The following SOX5 variants were observed in gnomAD, a reference collection of about 807,000 sequenced individuals.
SOX5 encodes the protein transcription factor SOX-5.
SOX5 carries 9 observed loss-of-function variants against 92.0 expected under a neutral mutation model. The observed-to-expected ratio is 0.10, with a 90% CI of 0.06 to 0.17. The LOEUF (loss-of-function observed/expected upper bound fraction) is 0.17, where lower values mean the gene tolerates loss of function less well. Ranked by LOEUF, SOX5 falls within the 10% of genes least tolerant of loss-of-function variation. The pLI is 1.00. For synonymous variants in SOX5, 344 were observed against 336.3 expected, an observed-to-expected ratio of 1.02 and a Z score of -0.25; for missense variants, 642 against 944.5, an observed-to-expected ratio of 0.68 and a Z score of 4.20.
intron 8 of SOX5, among the ~76,000 whole-genome samples, chr12:23,617,030 C>T (rs917397071): frequency 1.3e-5 from 2 of 150,230 alleles, no homozygotes; most frequent in East Asian, 3.9e-4. Flanking sequence ...GATGCTGAGA[C>T]AGGGGGATTG....
At chr12:23,935,806 G>T (rs1490253632) in intron 1 of SOX5, among the ~76,000 whole-genome samples, 1 of 151,046 alleles carries the variant, frequency 6.6e-6, no homozygotes, top group Non-Finnish European at 1.5e-5. Flanking sequence ...AATTTAAAAT[G>T]TAGTTGTTGA....
chr12:24,046,340 C>G (rs1957022871), intron 4 of SOX5, among the ~76,000 whole-genome samples: 1 of 152,032 alleles, frequency 6.6e-6, no homozygotes, highest in East Asian at 1.9e-4. Context: ...GAAAGGAGAG[C>G]CTTTTTTTTC....
At chr12:23,796,110 T>C (rs1488845081) in intron 3 of SOX5, among the ~76,000 whole-genome samples, 1 of 152,158 alleles carries the variant, frequency 6.6e-6, no homozygotes, top group African/African-American at 2.4e-5. Context: ...AACTCAGTTA[T>C]GATGAACACT....
chr12:23,600,522 C>CATATATATAT (rs371480644), intron 9 of SOX5, among the ~76,000 whole-genome samples: 1,693 of 39,398 alleles, frequency 0.043, 221 homozygotes, highest in Non-Finnish European at 0.056. Context: ...GGGGGGGGTG[C>CATATATATAT]ATATATATAT....
chr12:24,321,467 G>A (rs971914132), intron 2 of SOX5, among the ~76,000 whole-genome samples: 6 of 152,120 alleles, frequency 3.9e-5, no homozygotes, highest in Non-Finnish European at 7.4e-5. Flanking sequence ...TTGTTCACAT[G>A]TAAGTGTTTA....
At chr12:24,005,393 A>G (rs887494553) in intron 4 of SOX5, among the ~76,000 whole-genome samples, 4 of 152,154 alleles carry the variant, frequency 2.6e-5, no homozygotes, top group East Asian at 1.9e-4. Flanking sequence ...TATCAAATTC[A>G]TGGTAAAAAT....
At chr12:24,281,994 A>T (rs922324793) in intron 2 of SOX5, among the ~76,000 whole-genome samples, 36 of 152,280 alleles carry the variant, frequency 2.4e-4, no homozygotes, top group African/African-American at 7.9e-4. Context: ...CAAATTTCTG[A>T]TGGTCAATTT....
intron 8 of SOX5, among the ~76,000 whole-genome samples, chr12:23,632,907 T>C (rs184852821): frequency 6.6e-6 from 1 of 152,290 alleles, no homozygotes; most frequent in East Asian, 1.9e-4. Context: ...ACTTGGAATT[T>C]TGAGCCTTTA....
At chr12:24,552,967 G>C (rs1039313952) in intron 1 of SOX5, among the ~76,000 whole-genome samples, 1 of 152,228 alleles carries the variant, frequency 6.6e-6, no homozygotes, top group Non-Finnish European at 1.5e-5. Flanking sequence ...GGGCAGTTGA[G>C]GCTGCAGTGA....
chr12:23,944,090 C>T (rs1441934331), intron 1 of SOX5: 1 of 151,970 alleles, frequency 6.6e-6, no homozygotes, highest in Non-Finnish European at 1.5e-5. Flanking sequence ...ATTGTTTATG[C>T]TAATTATCTT....
At chr12:24,488,171 C>T (rs1166778664) in intron 1 of SOX5, among the ~76,000 whole-genome samples, 2 of 144,550 alleles carry the variant, frequency 1.4e-5, no homozygotes, top group African/African-American at 5.2e-5. Context: ...AAAATGTTTG[C>T]TTTTACTTAA....
chr12:24,180,757 G>A (rs1381078333), intron 4 of SOX5, among the ~76,000 whole-genome samples: 2 of 152,140 alleles, frequency 1.3e-5, no homozygotes, highest in African/African-American at 2.4e-5. Context: ...AAAATTATCT[G>A]ACTGTACATT....
At chr12:23,570,009 C>G (rs111334412) in intron 10 of SOX5, among the ~76,000 whole-genome samples, 119 of 152,196 alleles carry the variant, frequency 7.8e-4, no homozygotes, top group African/African-American at 2.5e-3. Flanking sequence ...TTGATAATTC[C>G]AAATCTATTG....
chr12:24,151,663 T>G (rs1407026978), intron 4 of SOX5, among the ~76,000 whole-genome samples: 1 of 152,078 alleles, frequency 6.6e-6, no homozygotes, highest in Non-Finnish European at 1.5e-5. Context: ...GAAAGGCAAC[T>G]CCTTTTTCCT....
At chr12:24,421,628 T>C (rs908326463) in intron 1 of SOX5, among the ~76,000 whole-genome samples, 3 of 152,204 alleles carry the variant, frequency 2.0e-5, no homozygotes, top group Admixed American at 1.3e-4. Context: ...TGGTAAAAGA[T>C]TCCTCTGCTC....
At chr12:23,750,510 G>A (rs969032379) in intron 4 of SOX5, among the ~76,000 whole-genome samples, 1 of 151,818 alleles carries the variant, frequency 6.6e-6, no homozygotes, top group Non-Finnish European at 1.5e-5. Context: ...AAGGTTTTAG[G>A]TTAATTGCAT....
intron 4 of SOX5, among the ~76,000 whole-genome samples, chr12:24,154,422 A>G (rs1040820122): frequency 1.3e-5 from 2 of 152,184 alleles, no homozygotes; most frequent in Non-Finnish European, 2.9e-5. Context: ...TCAGTAAACA[A>G]CAAAGAACTG....
At chr12:24,367,230 T>C (rs1956266710) in intron 2 of SOX5, among the ~76,000 whole-genome samples, 1 of 152,134 alleles carries the variant, frequency 6.6e-6, no homozygotes, top group Non-Finnish European at 1.5e-5. Context: ...AGAGTGAGTA[T>C]TTTAAATTAA....
chr12:23,972,238 G>A (rs1287206332), intron 4 of SOX5, among the ~76,000 whole-genome samples: 1 of 152,210 alleles, frequency 6.6e-6, no homozygotes, highest in Admixed American at 6.5e-5. Context: ...TTTTACTTAG[G>A]AGTCAGAAGC....
Sources: gnomAD v4.1 joint callset for allele counts (sites outside exome capture counted in the v4.1 genomes callset) on GRCh38, gnomAD v4.1.1 for gene constraint, MANE v1.5 for transcripts, NCBI Gene and HGNC (gene_info 2026-07-23, HGNC 2026-07-21) for gene names.